NPFFR2: variants seen among roughly 807,000 people sequenced by gnomAD.
NPFFR2 encodes G-protein coupled receptor 74.
A neutral mutation model predicts 13.1 loss-of-function variants in NPFFR2; 15 were observed. The ratio of observed to expected loss-of-function variants is 1.15; its 90% CI spans 0.77 to 1.76. The LOEUF is 1.76. Among genes scored for constraint, NPFFR2 ranks in the 40% most tolerant of loss-of-function variants. The pLI is 0.00. For synonymous variants in NPFFR2, 190 were observed against 175.7 expected (o/e 1.08, Z -0.65); for missense variants, 572 against 503.5 (o/e 1.14, Z -1.30).
At position 72,147,382 on chromosome 4, in the gene NPFFR2, T is replaced by A; in HGVS notation, c.833T>A (p.Ile278Asn). The A allele has an allele frequency of 6.2e-7, 1 of 1,614,208 alleles. No homozygotes were observed. Among genetic ancestry groups the A allele is most frequent in the Non-Finnish European group, 8.5e-7 (1 of 1,180,036 alleles). ...CAGAAGATCATTAAGATGCTCCTGA[T>A]TGTGGCCCTGCTTTTTATTCTCTCA... ...KKQKIIKMLLIVALLFILSWL... is the reference protein window; with the variant it reads ...KKQKIIKMLLNVALLFILSWL... The change falls in exon 4 of 4, where the codon ATT becomes AAT. Residue 278 changes from isoleucine to asparagine, a missense_variant. Ile to Asn is a moderately radical substitution (Grantham distance 149). Transcript: ENST00000308744.
chr4:72,063,212 G>T (rs1158699357), intron 1 of NPFFR2, among the ~76,000 whole-genome samples: 1 of 152,042 alleles, frequency 6.6e-6, no homozygotes, highest in Non-Finnish European at 1.5e-5. Context: ...CCAAAAGTAT[G>T]TTTATATTTG....
intron 1 of NPFFR2, among the ~76,000 whole-genome samples, chr4:72,127,492 T>G (rs1722093141): frequency 7.1e-6 from 1 of 140,946 alleles, no homozygotes; most frequent in Non-Finnish European, 1.5e-5. Flanking sequence ...GCCTCCCGAG[T>G]AGCTGGGACC....
chr4:72,114,414 C>T (rs6825462), intron 1 of NPFFR2, among the ~76,000 whole-genome samples: 4,036 of 152,098 alleles, frequency 0.027, 184 homozygotes, highest in African/African-American at 0.093. Flanking sequence ...ATCACATATA[C>T]ACATGTGTAG....
At chr4:72,107,760 C>T (rs893847580) in intron 1 of NPFFR2, among the ~76,000 whole-genome samples, 10 of 151,896 alleles carry the variant, frequency 6.6e-5, no homozygotes, top group African/African-American at 2.4e-4. Context: ...TTCTCACTCC[C>T]AATACAATGA....
At chr4:72,066,631 G>A (rs1247933678) in intron 1 of NPFFR2, among the ~76,000 whole-genome samples, 3 of 58,008 alleles carry the variant, frequency 5.2e-5, no homozygotes, top group East Asian at 5.1e-4. Context: ...CAAGTTAGAT[G>A]TTTCTGTTCC....
At chr4:72,086,596 T>C (rs1186258634) in intron 1 of NPFFR2, among the ~76,000 whole-genome samples, 1 of 152,152 alleles carries the variant, frequency 6.6e-6, no homozygotes, top group Admixed American at 6.6e-5. Flanking sequence ...GAAATAACTA[T>C]ATGTCTATTC....
chr4:72,120,470 C>G (rs968169374), intron 1 of NPFFR2, among the ~76,000 whole-genome samples: 1 of 152,202 alleles, frequency 6.6e-6, no homozygotes, highest in Non-Finnish European at 1.5e-5. Flanking sequence ...GGAGACACCT[C>G]CCAGCAAGGG....
chr4:72,061,587 G>A (rs1212292749), intron 1 of NPFFR2, among the ~76,000 whole-genome samples: 1 of 152,082 alleles, frequency 6.6e-6, no homozygotes, highest in Non-Finnish European at 1.5e-5. Flanking sequence ...TTAAGAGTTA[G>A]TTCAATATAC....
chr4:72,065,444 A>G (rs1217127297), intron 1 of NPFFR2, among the ~76,000 whole-genome samples: 1 of 152,238 alleles, frequency 6.6e-6, no homozygotes, highest in Non-Finnish European at 1.5e-5. Flanking sequence ...TCTCAAAAAG[A>G]CTTTCTTCTC....
At chr4:72,113,225 G>C (rs952013954) in intron 1 of NPFFR2, among the ~76,000 whole-genome samples, 7 of 151,988 alleles carry the variant, frequency 4.6e-5, no homozygotes, top group Non-Finnish European at 1.0e-4. Context: ...GGAAAGAAAA[G>C]GCTCACAGCA....
intron 3 of NPFFR2, among the ~76,000 whole-genome samples, 185 bp downstream of exon 3, chr4:72,138,324 C>T (rs1197087659): frequency 1.3e-5 from 2 of 152,128 alleles, no homozygotes; most frequent in Admixed American, 1.3e-4. Context: ...AGGTTTCTTC[C>T]ATATGTATAC....
chr4:72,072,797 C>T (rs1233108015), intron 1 of NPFFR2, among the ~76,000 whole-genome samples: 1 of 151,978 alleles, frequency 6.6e-6, no homozygotes, highest in African/African-American at 2.4e-5. Flanking sequence ...AATCCCAAAA[C>T]AGATAATGTT....
At chr4:72,064,052 A>T (rs1719998454) in intron 1 of NPFFR2, among the ~76,000 whole-genome samples, 1 of 152,244 alleles carries the variant, frequency 6.6e-6, no homozygotes, top group Admixed American at 6.5e-5. Flanking sequence ...TGAGTGAGTC[A>T]CAATGGAAAA....
chr4:72,056,116 C>G (rs1278833564), intron 1 of NPFFR2, among the ~76,000 whole-genome samples: 6 of 151,972 alleles, frequency 3.9e-5, no homozygotes, highest in Non-Finnish European at 7.4e-5. Flanking sequence ...ATGAAAACAC[C>G]TTCTATTGGA....
intron 1 of NPFFR2, among the ~76,000 whole-genome samples, chr4:72,101,830 T>C (rs943682930): frequency 6.6e-6 from 1 of 152,100 alleles, no homozygotes; most frequent in Non-Finnish European, 1.5e-5. Flanking sequence ...CAGCTGGGAC[T>C]CATGGGCAAG....
At chr4:72,125,890 G>T (rs1035401108) in intron 1 of NPFFR2, among the ~76,000 whole-genome samples, 2 of 152,176 alleles carry the variant, frequency 1.3e-5, no homozygotes, top group Non-Finnish European at 2.9e-5. Flanking sequence ...AAGTTCTGGA[G>T]ATTTGGACAG....
chr4:72,077,724 C>T (rs893115283), intron 1 of NPFFR2, among the ~76,000 whole-genome samples: 2 of 152,030 alleles, frequency 1.3e-5, no homozygotes, highest in Non-Finnish European at 2.9e-5. Flanking sequence ...ACAGATTTGT[C>T]CCGATTTTTA....
At chr4:72,045,618 G>A (rs1219969294) in intron 1 of NPFFR2, among the ~76,000 whole-genome samples, 3 of 152,252 alleles carry the variant, frequency 2.0e-5, no homozygotes, top group African/African-American at 4.8e-5. Context: ...TCGTAGCTTA[G>A]CCTAGCCTAC....
intron 3 of NPFFR2, among the ~76,000 whole-genome samples, chr4:72,146,186 T>C (rs1722777580): frequency 6.6e-6 from 1 of 152,228 alleles, no homozygotes; most frequent in Non-Finnish European, 1.5e-5. Flanking sequence ...TTCATCCTCC[T>C]GCTCCATGTG....
Sources: allele counts gnomAD v4.1 joint callset (sites outside exome capture counted in the v4.1 genomes callset), GRCh38; gene constraint gnomAD v4.1.1; transcripts MANE v1.5; gene names NCBI Gene and HGNC (gene_info 2026-07-23, HGNC 2026-07-21).